The following SFTPD variants were observed in gnomAD, a reference collection of about 807,000 sequenced individuals.
SFTPD encodes pulmonary surfactant-associated protein D.
A neutral mutation model predicts 34.6 loss-of-function variants in SFTPD; 18 were observed. That is an observed-to-expected ratio of 0.52 (90% CI 0.36 to 0.77). The LOEUF (loss-of-function observed/expected upper bound fraction) is 0.77. SFTPD is among the 30% of genes least tolerant of loss of function. The pLI is 0.00. For missense variants in SFTPD, 433 were observed against 468.9 expected, an observed-to-expected ratio of 0.92 and a Z score of 0.71; for synonymous variants, 155 against 180.9, an observed-to-expected ratio of 0.86 and a Z score of 1.15.
At chr10:79,975,948 C>T (rs766617556) in intron 1 of SFTPD, among the ~76,000 whole-genome samples, 1 of 152,158 alleles carries the variant, frequency 6.6e-6, no homozygotes, top group African/African-American at 2.4e-5. Flanking sequence ...TGTTCCTTGC[C>T]CTCATTCCAG....
At chr10:79,943,930 T>A (rs2132497644) in intron 2 of SFTPD, among the ~76,000 whole-genome samples, 1 of 152,310 alleles carries the variant, frequency 6.6e-6, no homozygotes, top group Admixed American at 6.5e-5. Context: ...GAGAAAAATG[T>A]CACTCTCCAG....
chr10:79,957,321 G>A (rs972820672), intron 1 of SFTPD, among the ~76,000 whole-genome samples: 12 of 152,352 alleles, frequency 7.9e-5, no homozygotes, highest in Non-Finnish European at 1.5e-4. Flanking sequence ...GATGAGCTGA[G>A]ATAAGAAGGC....
intron 1 of SFTPD, chr10:79,968,875 G>A (rs1396738830): frequency 2.6e-5 from 4 of 152,052 alleles, no homozygotes; most frequent in Admixed American, 2.0e-4. Context: ...TCTGACTGGT[G>A]TAAGATGGTA....
intron 1 of SFTPD, among the ~76,000 whole-genome samples, chr10:79,961,047 AG>A (rs1353291861): frequency 6.6e-6 from 1 of 152,250 alleles, no homozygotes; most frequent in Non-Finnish European, 1.5e-5. Context: ...CAATGGGGAA[AG>A]GATTCCCTAT....
chr10:79,944,004 G>T (rs1842641540), intron 2 of SFTPD, among the ~76,000 whole-genome samples: 1 of 152,260 alleles, frequency 6.6e-6, no homozygotes, highest in African/African-American at 2.4e-5. Flanking sequence ...GAGCACCAGG[G>T]TGGAGGAGGG....
intron 1 of SFTPD, chr10:79,971,795 T>G (rs1187575414): frequency 6.6e-6 from 1 of 152,232 alleles, no homozygotes; most frequent in Non-Finnish European, 1.5e-5. Context: ...TTTGATAGTT[T>G]GAATATAATG....
In SFTPD at chr10:79,970,334, C is replaced by T. The variant is rs190428607; in HGVS notation, c.36+12241G>A. ...GCTTCCAGCTGCATTCTTTTAGCTC[C>T]AGATTTCATTGGTTATTTGAAGTCT... On this transcript the variant is annotated intron_variant, in intron 1 of 5. Coordinates refer to the SFTPD transcript ENST00000444384. 27 of 152,240 alleles carry T rather than the reference C, an allele frequency of 1.8e-4. No individual in the cohort carries two copies. The East Asian group carries it at 5.2e-3, about 29-fold the overall frequency. The allele number at this position is 152,240 out of a possible 1,614,324, so 9.4% of individuals were successfully genotyped here. A position where few individuals can be genotyped will look rare whatever the true frequency, so the allele number is the denominator to read the frequency against.
chr10:79,955,240 A>C (rs1295180865), intron 1 of SFTPD, among the ~76,000 whole-genome samples: 1 of 151,986 alleles, frequency 6.6e-6, no homozygotes, highest in African/African-American at 2.4e-5. Flanking sequence ...TGTTTTATAA[A>C]GGCATTTTGT....
At chr10:79,978,831 C>T (rs1842876347) in intron 1 of SFTPD, among the ~76,000 whole-genome samples, 2 of 151,714 alleles carry the variant, frequency 1.3e-5, no homozygotes, top group Admixed American at 1.3e-4. Flanking sequence ...TATCAAAATA[C>T]TGGAAATCCT....
At chr10:79,962,671 T>G (rs570695734) in intron 1 of SFTPD, among the ~76,000 whole-genome samples, 2 of 152,320 alleles carry the variant, frequency 1.3e-5, no homozygotes, top group Non-Finnish European at 2.9e-5. Flanking sequence ...TACAGTCATT[T>G]ATCAGCATAT....
chr10:79,967,662 A>G (rs1842810324), intron 1 of SFTPD, among the ~76,000 whole-genome samples: 1 of 131,274 alleles, frequency 7.6e-6, no homozygotes, highest in Non-Finnish European at 1.6e-5. Flanking sequence ...ATCTACAACT[A>G]TCTGATCTTT....
chr10:79,955,159 C>T (rs926807022), intron 1 of SFTPD, among the ~76,000 whole-genome samples: 1 of 152,118 alleles, frequency 6.6e-6, no homozygotes, highest in Non-Finnish European at 1.5e-5. Context: ...GACTTCGTAG[C>T]CCCCACAGCC....
intron 1 of SFTPD, among the ~76,000 whole-genome samples, chr10:79,958,920 A>T (rs202041777): frequency 6.6e-6 from 1 of 152,124 alleles, no homozygotes; most frequent in East Asian, 1.9e-4. Context: ...CAAATGTAAA[A>T]GAACAGAAAT....
intron 1 of SFTPD, among the ~76,000 whole-genome samples, chr10:79,967,343 G>C (rs1364117784): frequency 9.3e-6 from 1 of 107,140 alleles, no homozygotes; most frequent in Admixed American, 1.0e-4. Flanking sequence ...CTCATGGGTA[G>C]GAAGAATCAA....
intron 1 of SFTPD, chr10:79,969,027 A>T (rs938163488): frequency 1.3e-5 from 2 of 152,054 alleles, no homozygotes; most frequent in African/African-American, 4.8e-5. Flanking sequence ...TTGCCTGTTA[A>T]TTTAAGTTCC....
intron 1 of SFTPD, among the ~76,000 whole-genome samples, chr10:79,962,559 C>G: frequency 6.6e-6 from 1 of 151,826 alleles, no homozygotes; most frequent in Non-Finnish European, 1.5e-5. Context: ...TCCTGTCTTC[C>G]TCTCCTCCAT....
At chr10:79,970,556 TAC>T (rs1842829595) in intron 1 of SFTPD, 1 of 152,172 alleles carries the variant, frequency 6.6e-6, no homozygotes, top group Non-Finnish European at 1.5e-5. Context: ...ATTAATGTTT[TAC>T]AGTTTGCCTT....
At chr10:79,948,991 A>C (rs769538714) in intron 1 of SFTPD, 75 bp downstream of exon 1, 2 of 152,228 alleles carry the variant, frequency 1.3e-5, no homozygotes, top group Non-Finnish European at 2.9e-5. Flanking sequence ...CAATAGGTTG[A>C]ATTGCCCAGG....
Position 79,941,439 on chromosome 10 carries a change from A to T in SFTPD, c.626T>A (p.Ile209Asn), listed in dbSNP as rs1183983961. 1.2e-6 allele frequency: 2 copies of T among 1,613,982 alleles called. No homozygotes were observed. Among genetic ancestry groups the T allele is most frequent in the Non-Finnish European group, 1.7e-6 (2 of 1,179,904 alleles). ...TCCCTTTGCTCCTTTGTCTCCAGGA[A>T]TGCCTTTGTCCCCCTTCAATCCCGG... is the stretch of plus-strand genomic sequence containing the variant. Reference protein sequence around the residue: ...GPPGLKGDKGIPGDKGAKGES... With the variant: ...GPPGLKGDKGNPGDKGAKGES... The change falls in exon 6 of 8, where the codon ATT becomes AAT. Residue 209 changes from isoleucine (I) to asparagine (N), a missense_variant. Ile to Asn is a moderately radical substitution (Grantham distance 149). Transcript: ENST00000372292.
Sources: allele counts gnomAD v4.1 joint callset (sites outside exome capture counted in the v4.1 genomes callset), GRCh38; gene constraint gnomAD v4.1.1; transcripts MANE v1.5; gene names NCBI Gene and HGNC (gene_info 2026-07-23, HGNC 2026-07-21).